Variants in LARP1 observed in about 807,000 individuals in gnomAD.
LARP1 encodes the protein La ribonucleoprotein 1, translational regulator, also known as la-related protein 1.
In LARP1, 36 loss-of-function variants were observed where a neutral mutation model predicts 122.7. That is an observed-to-expected ratio of 0.29 (90% CI 0.22 to 0.39). LARP1 has a LOEUF of 0.39. Ranked by LOEUF, LARP1 falls within the 10% of genes least tolerant of loss-of-function variation. LARP1 has a pLI of 1.00. For synonymous variants in LARP1, 539 were observed against 528.7 expected (o/e 1.02, Z -0.27); for missense variants, 1,040 against 1,403.6 (o/e 0.74, Z 4.14).
At chr5:154,780,725 C>T (rs927727594) in intron 1 of LARP1, among the ~76,000 whole-genome samples, 1 of 152,174 alleles carries the variant, frequency 6.6e-6, no homozygotes, top group Non-Finnish European at 1.5e-5. Context: ...GATTCAGAAG[C>T]CTCTTCCAAC....
At chr5:154,747,649 G>A (rs761152411) in intron 1 of LARP1, among the ~76,000 whole-genome samples, 11 of 151,766 alleles carry the variant, frequency 7.2e-5, no homozygotes, top group Non-Finnish European at 1.6e-4. Flanking sequence ...GCAGTGAGCC[G>A]AGATTGTGCC....
chr5:154,774,437 G>C (rs141656947), intron 1 of LARP1, among the ~76,000 whole-genome samples: 103 of 152,240 alleles, frequency 6.8e-4, no homozygotes, highest in African/African-American at 2.0e-3. Context: ...TTGCACTCTG[G>C]GAGCCAAATT....
chr5:154,729,499 G>A (rs1273559573), intron 1 of LARP1: 1 of 402,254 alleles, frequency 2.5e-6, no homozygotes, highest in Non-Finnish European at 4.8e-6. Context: ...TGCCTATTGA[G>A]CACATTAAGC....
chr5:154,804,713 A>G (rs1758618944), intron 14 of LARP1: 2 of 453,832 alleles, frequency 4.4e-6, no homozygotes, highest in East Asian at 7.0e-5. Flanking sequence ...ATTGGCCCCA[A>G]CCTGTATCTG....
intron 1 of LARP1, among the ~76,000 whole-genome samples, chr5:154,775,726 C>T (rs1425375141): frequency 6.6e-6 from 1 of 152,210 alleles, no homozygotes; most frequent in Non-Finnish European, 1.5e-5. Flanking sequence ...GTAGGGCCTA[C>T]AGGCTTGATC....
At chr5:154,759,188 T>TGGG (rs1353019625) in intron 1 of LARP1, among the ~76,000 whole-genome samples, 1 of 152,194 alleles carries the variant, frequency 6.6e-6, no homozygotes, top group Non-Finnish European at 1.5e-5. Context: ...ACCTGCCTCA[T>TGGG]GGGGGTATTA....
intron 1 of LARP1, among the ~76,000 whole-genome samples, chr5:154,759,331 G>A (rs1311003833): frequency 6.6e-6 from 1 of 152,126 alleles, no homozygotes; most frequent in Non-Finnish European, 1.5e-5. Flanking sequence ...TGGGGTTGGT[G>A]AATGCAGATC....
chr5:154,802,336 C>T lies in LARP1; in HGVS notation c.2046C>T (p.Gly682=). 1.2e-6 allele frequency: 2 copies of T among 1,613,984 alleles called. No individual in the cohort carries two copies. The highest frequency in any genetic ancestry group is 1.7e-6 in the Non-Finnish European group (2 of 1,179,946). Residue 682 remains glycine, a synonymous_variant, in exon 11 of 19, where the codon GGC becomes GGT. Coordinates refer to ENST00000518297, the MANE Select transcript of LARP1 (RefSeq NM_033551.3). The surrounding 1 kb of genome is among the most constrained non-coding windows in gnomAD (Gnocchi z 5.1). Reference sequence around the variant, plus strand: ...AACTGGCCAAGGTCATTAATGATGGCCTCTTCTACTATGAGCAGGACCTGT... The same window carrying T: ...AACTGGCCAAGGTCATTAATGATGGTCTCTTCTACTATGAGCAGGACCTGT... ...SAELAKVIND[G]LFYYEQDLWA...
At chr5:154,684,912 TGGGATATGGAA>T (rs1262269185) in intron 1 of LARP1, among the ~76,000 whole-genome samples, 5 of 151,248 alleles carry the variant, frequency 3.3e-5, no homozygotes, top group Admixed American at 2.6e-4. Context: ...GGTTAGGGAG[TGGGATATGGAA>T]GGGATATGGA....
At chr5:154,796,793 T>C (rs1173341544) in intron 8 of LARP1, among the ~76,000 whole-genome samples, 1 of 152,196 alleles carries the variant, frequency 6.6e-6, no homozygotes, top group African/African-American at 2.4e-5. Flanking sequence ...CCAAGAGGTA[T>C]AGTTTGTTCA....
intron 1 of LARP1, among the ~76,000 whole-genome samples, chr5:154,756,862 G>T (rs1019474229): frequency 2.0e-5 from 3 of 152,040 alleles, no homozygotes; most frequent in Non-Finnish European, 4.4e-5. Context: ...TTAAGAAGGA[G>T]CCCGATGGCG....
chr5:154,686,059 T>G (rs554162267), intron 1 of LARP1, among the ~76,000 whole-genome samples: 8 of 152,346 alleles, frequency 5.3e-5, no homozygotes, highest in African/African-American at 1.7e-4. Context: ...TACACTAGAC[T>G]GTACTGCATC....
intron 1 of LARP1, among the ~76,000 whole-genome samples, chr5:154,703,243 G>A (rs1185934605): frequency 6.6e-6 from 1 of 150,786 alleles, no homozygotes; most frequent in African/African-American, 2.4e-5. Flanking sequence ...CTCTTTCTAA[G>A]AACAGCTGCG....
chr5:154,810,689 G>A (rs1447930913), intron 16 of LARP1, among the ~76,000 whole-genome samples: 1 of 151,986 alleles, frequency 6.6e-6, no homozygotes, highest in Non-Finnish European at 1.5e-5. Flanking sequence ...GTTTCACCAT[G>A]TTGGCCAGGC....
chr5:154,811,782 C>A (rs1759298229), intron 18 of LARP1, 142 bp downstream of exon 18: 2 of 989,626 alleles, frequency 2.0e-6, no homozygotes, highest in Admixed American at 2.4e-5. Context: ...TTTGCTTTTT[C>A]ACCTTTAAAA....
intron 1 of LARP1, among the ~76,000 whole-genome samples, chr5:154,747,052 C>T (rs1188976129): frequency 6.6e-6 from 1 of 152,000 alleles, no homozygotes; most frequent in Non-Finnish European, 1.5e-5. Context: ...ATTGCTTGAA[C>T]CCGGGAGGCG....
intron 1 of LARP1, among the ~76,000 whole-genome samples, chr5:154,691,492 G>A (rs1349891638): frequency 6.6e-6 from 1 of 152,180 alleles, no homozygotes; most frequent in Non-Finnish European, 1.5e-5. Context: ...CGAGCTGCGC[G>A]CAGGTCGCGG....
chr5:154,717,870 CAT>C (rs199971736), intron 1 of LARP1, among the ~76,000 whole-genome samples: 2 of 151,706 alleles, frequency 1.3e-5, no homozygotes, highest in Non-Finnish European at 2.9e-5. Context: ...TTCTCTGACA[CAT>C]ATACACACAC....
chr5:154,762,235 C>T (rs987238966), intron 1 of LARP1, among the ~76,000 whole-genome samples: 2 of 151,968 alleles, frequency 1.3e-5, no homozygotes, highest in African/African-American at 4.8e-5. Context: ...AAGAGCAAGA[C>T]TCCATCTCAA....
Sources: gnomAD v4.1 joint callset for allele counts (sites outside exome capture counted in the v4.1 genomes callset) on GRCh38, gnomAD v4.1.1 for gene constraint, Gnocchi (gnomAD v3.1) non-coding constraint, MANE v1.5 for transcripts, NCBI Gene and HGNC (gene_info 2026-07-23, HGNC 2026-07-21) for gene names.